Variants in MYOF observed in about 807,000 individuals in gnomAD.
The protein encoded by MYOF is myoferlin.
Under a neutral mutation model 284.2 loss-of-function variants are expected in MYOF, and 244 were observed. The ratio of observed to expected loss-of-function variants is 0.86; its 90% confidence interval spans 0.77 to 0.95. The LOEUF (loss-of-function observed/expected upper bound fraction) is 0.95, where lower values mean the gene tolerates loss of function less well. Among genes scored for constraint, MYOF ranks in the 40% least tolerant of loss-of-function variants. The probability of loss-of-function intolerance (pLI) is 0.00; values close to 1 mark genes in which losing one functional copy is unlikely to be tolerated. For missense variants in MYOF, 2,496 were observed against 2,560.6 expected, an observed-to-expected ratio of 0.97 and a Z score of 0.54; for synonymous variants, 904 against 919.7, an observed-to-expected ratio of 0.98 and a Z score of 0.31.
chr10:93,367,165 A>G (rs984439798), intron 25 of MYOF, among the ~76,000 whole-genome samples: 1 of 152,194 alleles, frequency 6.6e-6, no homozygotes, highest in East Asian at 1.9e-4. Flanking sequence ...AAGGAGACCA[A>G]GGCCTCTCTG....
intron 48 of MYOF, among the ~76,000 whole-genome samples, chr10:93,322,505 C>T (rs1209745699): frequency 2.0e-5 from 3 of 152,232 alleles, no homozygotes; most frequent in Non-Finnish European, 4.4e-5. Flanking sequence ...ATGATCAAGG[C>T]ATAGCCATCC....
rs527799278 is a variant in MYOF, at chr10:93,417,321, C to T, written c.434-7582G>A. 3.9e-5 allele frequency among the ~76,000 whole-genome samples: 6 copies of T among 152,268 alleles called. No individual in the cohort carries two copies. The South Asian group carries it at 8.3e-4, about 21-fold the overall frequency. ...TTGGAAATGGTTCTCCATCATAGCT[C>T]CAGCAATGTAATCATTCCTGAGATG... On this transcript the variant is annotated intron_variant, in intron 5 of 53. Transcript: ENST00000359263.
At chr10:93,357,028 A>G (rs1031672468) in intron 29 of MYOF, among the ~76,000 whole-genome samples, 180 bp from the exon 30 acceptor site, 2 of 152,252 alleles carry the variant, frequency 1.3e-5, no homozygotes, top group Non-Finnish European at 2.9e-5. Flanking sequence ...TCTGCCTTGC[A>G]GAGCTGATGG....
At chr10:93,427,282 C>T (rs1207710114) in intron 4 of MYOF, among the ~76,000 whole-genome samples, 1 of 151,638 alleles carries the variant, frequency 6.6e-6, no homozygotes, top group African/African-American at 2.4e-5. Flanking sequence ...CACTTTTAAT[C>T]CCAGCACTGG....
intron 6 of MYOF, 106 bp from the exon 7 acceptor site, chr10:93,409,021 C>G: frequency 3.9e-6 from 6 of 1,520,314 alleles, no homozygotes; most frequent in South Asian, 2.5e-5. Flanking sequence ...TTGCTAACAC[C>G]AGGCCAGGGC....
intron 1 of MYOF, among the ~76,000 whole-genome samples, chr10:93,481,088 GA>G (rs140343108): frequency 0.047 from 7,208 of 152,212 alleles, 228 homozygotes; most frequent in Non-Finnish European, 0.071. Flanking sequence ...CTGAGATTTA[GA>G]AACCCCACTT....
chr10:93,339,676 C>T (rs1483150896), intron 39 of MYOF, among the ~76,000 whole-genome samples: 1 of 151,792 alleles, frequency 6.6e-6, no homozygotes, highest in Non-Finnish European at 1.5e-5. Flanking sequence ...TGCATGTTGG[C>T]CAGGCTGATC....
At chr10:93,357,273 G>A (rs1272985505) in intron 29 of MYOF, among the ~76,000 whole-genome samples, 1 of 152,196 alleles carries the variant, frequency 6.6e-6, no homozygotes, top group East Asian at 1.9e-4. Context: ...CCCCCTCCCA[G>A]GTTTAAATGT....
Position 93,310,073 on chromosome 10 carries a change from G to A in MYOF, c.6094C>T (p.Leu2032=), listed in dbSNP as rs1425810429. 1 of 1,614,144 alleles carries A rather than the reference G, an allele frequency of 6.2e-7. No individual in the cohort carries two copies. The highest frequency in any genetic ancestry group is 1.3e-5 in the African/African-American group (1 of 75,036). The change falls in exon 53 of 54, where the codon CTG becomes TTG. Residue 2032 remains leucine (L), a synonymous_variant. Coordinates refer to ENST00000359263, the MANE Select transcript of MYOF (RefSeq NM_013451.4). ...AAGAGCAGCAGGATAAGCAGGAACAGCAAGCCGATGATGACCCACTTAAAG... is the reference window on the plus strand; with the variant it reads ...AAGAGCAGCAGGATAAGCAGGAACAACAAGCCGATGATGACCCACTTAAAG... ...RRFKWVIIGL[L]FLLILLLFVA... is the part of the protein sequence containing the mutation.
chr10:93,337,680 G>A (rs529135732), intron 40 of MYOF, 135 bp downstream of exon 40: 13 of 665,512 alleles, frequency 2.0e-5, no homozygotes, highest in African/African-American at 1.1e-4. Flanking sequence ...AGGGCTCTCC[G>A]GGAAGACAGA....
chr10:93,389,107 A>G lies in MYOF; in HGVS notation c.1504T>C (p.Cys502Arg), dbSNP rs760652572. 48 of 1,614,184 alleles carry G rather than the reference A, an allele frequency of 3.0e-5. No individual in the cohort carries two copies. The East Asian group carries it at 1.0e-3, about 35-fold the overall frequency. ...EVGFVPTFGP[C>R]YLNLYGSPRE... ...GGGCTTCCATAAAGATTCAGGTAACAAGGTCCAAACGTTGGAACAAAGCCT... is the reference window on the plus strand; with the variant it reads ...GGGCTTCCATAAAGATTCAGGTAACGAGGTCCAAACGTTGGAACAAAGCCT... The change falls in exon 18 of 54, where the codon TGT becomes CGT. Residue 502 changes from cysteine (C) to arginine (R), a missense_variant. By Grantham distance (180) the Cys-to-Arg change is radical. Transcript: ENST00000359263.
At chr10:93,423,122 G>A (rs1848425274) in intron 5 of MYOF, among the ~76,000 whole-genome samples, 1 of 152,148 alleles carries the variant, frequency 6.6e-6, no homozygotes. Flanking sequence ...TAAGGTTACG[G>A]ACCTTAAGAG....
chr10:93,373,605 T>C (rs1029884632), intron 23 of MYOF, among the ~76,000 whole-genome samples: 7 of 152,116 alleles, frequency 4.6e-5, no homozygotes, highest in Admixed American at 2.6e-4. Context: ...ATAAAAAAAC[T>C]GCCTAAGTCC....
At chr10:93,343,328 C>G (rs1844018793) in intron 38 of MYOF, among the ~76,000 whole-genome samples, 1 of 151,920 alleles carries the variant, frequency 6.6e-6, no homozygotes, top group African/African-American at 2.4e-5. Context: ...ATAAAAAAAC[C>G]TGGGTGTCCC....
At chr10:93,313,954 C>T (rs1564610561) in intron 50 of MYOF, among the ~76,000 whole-genome samples, 1 of 152,218 alleles carries the variant, frequency 6.6e-6, no homozygotes, top group South Asian at 2.1e-4. Flanking sequence ...TGTGCATGTC[C>T]AAGACTCTCC....
Position 93,323,372 on chromosome 10 carries a change from A to C in MYOF, c.5272-14T>G. 3.1e-6 allele frequency: 5 copies of C among 1,594,260 alleles called. No individual in the cohort carries two copies. The highest frequency in any genetic ancestry group is 4.3e-6 in the Non-Finnish European group (5 of 1,166,070). On this transcript the variant is annotated splice_polypyrimidine_tract_variant and intron_variant, in intron 46 of 53. Coordinates refer to ENST00000359263, the MANE Select transcript of MYOF (RefSeq NM_013451.4). ...CTGAAGTTTTCCCTAAACCATTTGA[A>C]AATGAAAAGAGGACTGAAGTTATAT...
At chr10:93,459,507 A>G (rs2056826601) in intron 1 of MYOF, among the ~76,000 whole-genome samples, 1 of 152,168 alleles carries the variant, frequency 6.6e-6, no homozygotes, top group Admixed American at 6.5e-5. Flanking sequence ...CCTGCCTTCA[A>G]TCACACAGCT....
At chr10:93,425,725 G>T in intron 5 of MYOF, 1 of 277,372 alleles carries the variant, frequency 3.6e-6, no homozygotes, top group Non-Finnish European at 6.9e-6. Context: ...GAGCAGAGGG[G>T]CCACTCCTTG....
intron 11 of MYOF, 103 bp downstream of exon 11, chr10:93,402,129 C>G: frequency 1.2e-6 from 1 of 837,630 alleles, no homozygotes; most frequent in Non-Finnish European, 2.0e-6. Flanking sequence ...AGGGTATTGA[C>G]GGGAAGCTGT....
Sources: gnomAD v4.1 joint callset for allele counts (sites outside exome capture counted in the v4.1 genomes callset) on GRCh38, gnomAD v4.1.1 for gene constraint, MANE v1.5 for transcripts, NCBI Gene and HGNC (gene_info 2026-07-23, HGNC 2026-07-21) for gene names.